The following NLGN1 variants were observed in gnomAD, a reference collection of about 807,000 sequenced individuals.
NLGN1 encodes neuroligin-1.
A neutral mutation model predicts 65.5 loss-of-function variants in NLGN1; 12 were observed. The observed-to-expected ratio is 0.18, with a 90% confidence interval of 0.12 to 0.30. NLGN1 has a LOEUF of 0.30. NLGN1 is among the 10% of genes least tolerant of loss of function. The probability of loss-of-function intolerance (pLI) is 1.00; values close to 1 mark genes in which losing one functional copy is unlikely to be tolerated. For synonymous variants in NLGN1, 350 were observed against 359.5 expected (o/e 0.97, Z 0.30); for missense variants, 750 against 1,007.1 (o/e 0.74, Z 3.46).
chr3:174,012,788 C>CAT (rs540262924), intron 4 of NLGN1, among the ~76,000 whole-genome samples: 88 of 152,160 alleles, frequency 5.8e-4, no homozygotes, highest in African/African-American at 2.0e-3. Context: ...TTCTCCTTGT[C>CAT]ATATATATAT....
At chr3:173,631,528 A>G (rs934600288) in intron 3 of NLGN1, among the ~76,000 whole-genome samples, 8 of 152,138 alleles carry the variant, frequency 5.3e-5, no homozygotes, top group South Asian at 2.1e-4. Context: ...AACAGAGGCT[A>G]CCAGGAGTAA....
At chr3:173,583,413 G>T (rs1367457779) in intron 2 of NLGN1, among the ~76,000 whole-genome samples, 4 of 152,184 alleles carry the variant, frequency 2.6e-5, no homozygotes, top group South Asian at 4.1e-4. Flanking sequence ...GGGCCAAAAA[G>T]TGATGGCCCA....
At chr3:173,426,125 A>C (rs1716052731) in intron 1 of NLGN1, among the ~76,000 whole-genome samples, 1 of 151,838 alleles carries the variant, frequency 6.6e-6, no homozygotes, top group Admixed American at 6.6e-5. Context: ...TTTCTTACAG[A>C]TTGTTCACTG....
At chr3:174,136,053 A>G (rs1721151898) in intron 4 of NLGN1, among the ~76,000 whole-genome samples, 1 of 152,068 alleles carries the variant, frequency 6.6e-6, no homozygotes, top group African/African-American at 2.4e-5. Flanking sequence ...AAAGCCATGC[A>G]TGCTTGTGGA....
intron 4 of NLGN1, among the ~76,000 whole-genome samples, chr3:173,835,781 G>T (rs2150632677): frequency 6.6e-6 from 1 of 152,178 alleles, no homozygotes. Flanking sequence ...CCTTCTGAGA[G>T]AGAAAGAAGA....
rs373775681 is a variant in NLGN1 at position 173,420,427 on chromosome 3, A to G, written c.-389-14583A>G. Among the ~76,000 whole-genome samples the G allele has an allele frequency of 4.5e-4, 68 of 152,252 alleles. 1 individual carries two copies. The highest frequency in any genetic ancestry group is 6.8e-3 in the Middle Eastern group (2 of 294). On this transcript the variant is annotated intron_variant, in intron 1 of 6. Coordinates refer to ENST00000457714, the Ensembl canonical transcript of NLGN1. Reference sequence around the variant, plus strand: ...TGAACTCATCATTTTTTATGGCTGCAAAGTATTCCATGGTGTATATGTGCC... The same window carrying G: ...TGAACTCATCATTTTTTATGGCTGCGAAGTATTCCATGGTGTATATGTGCC...
intron 1 of NLGN1, among the ~76,000 whole-genome samples, chr3:173,405,978 G>A (rs1453797081): frequency 2.0e-5 from 3 of 152,016 alleles, no homozygotes; most frequent in Non-Finnish European, 4.4e-5. Flanking sequence ...CATAATAGTG[G>A]AGGGATGTAC....
At chr3:173,404,342 C>T (rs1441368308) in intron 1 of NLGN1, among the ~76,000 whole-genome samples, 2 of 152,140 alleles carry the variant, frequency 1.3e-5, no homozygotes, top group Non-Finnish European at 1.5e-5. Context: ...GGCTTACCTT[C>T]AGTATGTTAG....
chr3:173,783,918 G>T (rs1781565520), intron 3 of NLGN1, among the ~76,000 whole-genome samples: 1 of 152,066 alleles, frequency 6.6e-6, no homozygotes, highest in South Asian at 2.1e-4. Context: ...TTTTTGAAGA[G>T]ATCTGTTTTA....
intron 4 of NLGN1, among the ~76,000 whole-genome samples, chr3:174,143,223 T>C (rs918678152): frequency 3.3e-5 from 5 of 152,146 alleles, no homozygotes; most frequent in African/African-American, 1.2e-4. Context: ...AGTAATATTA[T>C]TTATATTAAA....
At chr3:173,868,485 T>A (rs1021679970) in intron 4 of NLGN1, among the ~76,000 whole-genome samples, 15 of 152,290 alleles carry the variant, frequency 9.8e-5, no homozygotes, top group African/African-American at 3.6e-4. Context: ...AGAATAAAGT[T>A]ACACTGACTA....
chr3:173,771,232 G>A (rs2150263327), intron 3 of NLGN1, among the ~76,000 whole-genome samples: 1 of 152,244 alleles, frequency 6.6e-6, no homozygotes, highest in South Asian at 2.1e-4. Flanking sequence ...GATAACATCT[G>A]TGAGCACATG....
At chr3:174,225,495 G>A (rs1394921816) in intron 4 of NLGN1, among the ~76,000 whole-genome samples, 1 of 152,178 alleles carries the variant, frequency 6.6e-6, no homozygotes, top group African/African-American at 2.4e-5. Flanking sequence ...ACTTTGGGAG[G>A]CCGAGGCAGG....
At position 174,020,807 on chromosome 3, in the gene NLGN1, C is replaced by T. The variant is rs975272279; in HGVS notation, c.646+212975C>T. ...TGGGAGAGACGGGTAAAATACAATT[C>T]GAAAACAATACTAGCAAGTTAGTAT... is the stretch of plus-strand genomic sequence containing the variant. On this transcript the variant is annotated intron_variant, in intron 4 of 6. Transcript: ENST00000457714. Among the ~76,000 whole-genome samples, 6 of 152,022 alleles carry T rather than the reference C, an allele frequency of 3.9e-5. No individual in the cohort carries two copies. The East Asian group carries it at 1.2e-3, about 29-fold the overall frequency.
At chr3:173,541,245 G>A (rs979937537) in intron 2 of NLGN1, among the ~76,000 whole-genome samples, 1 of 152,158 alleles carries the variant, frequency 6.6e-6, no homozygotes, top group East Asian at 1.9e-4. Flanking sequence ...ATAGAGGCAT[G>A]GGGCTACAAA....
At chr3:173,445,315 C>A (rs1720058105) in intron 2 of NLGN1, among the ~76,000 whole-genome samples, 1 of 147,418 alleles carries the variant, frequency 6.8e-6, no homozygotes, top group South Asian at 2.1e-4. Flanking sequence ...GTGTGAAGAT[C>A]TATTATGGTT....
At chr3:173,666,683 T>C (rs765208035) in intron 3 of NLGN1, among the ~76,000 whole-genome samples, 1 of 152,306 alleles carries the variant, frequency 6.6e-6, no homozygotes, top group Admixed American at 6.5e-5. Flanking sequence ...TTCATTGCTG[T>C]CCTGAAGGTG....
intron 2 of NLGN1, among the ~76,000 whole-genome samples, chr3:173,577,363 A>G (rs1169761689): frequency 6.6e-6 from 1 of 152,166 alleles, no homozygotes; most frequent in Non-Finnish European, 1.5e-5. Flanking sequence ...TCATGCTTTG[A>G]ACTTTCTTCA....
At chr3:173,704,916 C>T (rs1398302373) in intron 3 of NLGN1, among the ~76,000 whole-genome samples, 2 of 152,072 alleles carry the variant, frequency 1.3e-5, no homozygotes, top group African/African-American at 4.8e-5. Flanking sequence ...TAGCCAGGTA[C>T]CATTTTCTGA....
Sources: gnomAD v4.1 joint callset for allele counts (sites outside exome capture counted in the v4.1 genomes callset) on GRCh38, gnomAD v4.1.1 for gene constraint, MANE v1.5 for transcripts, NCBI Gene and HGNC (gene_info 2026-07-23, HGNC 2026-07-21) for gene names.